CDC73: variants seen among roughly 807,000 people sequenced by gnomAD.
CDC73 encodes parafibromin.
In CDC73, 21 loss-of-function variants were observed where a neutral mutation model predicts 83.7. The observed-to-expected ratio is 0.25, with a 90% CI of 0.18 to 0.36. The LOEUF is 0.36. Among genes scored for constraint, CDC73 ranks in the 10% least tolerant of loss-of-function variants. The pLI, the probability that CDC73 is intolerant of heterozygous loss-of-function variation, is 1.00. For missense variants in CDC73, 342 were observed against 653.3 expected (o/e 0.52, Z 5.19); for synonymous variants, 224 against 212.9 (o/e 1.05, Z -0.45).
intron 8 of CDC73, among the ~76,000 whole-genome samples, chr1:193,148,417 T>C (rs1358876923): frequency 1.3e-5 from 2 of 152,160 alleles, no homozygotes; most frequent in East Asian, 3.8e-4. Context: ...TCAGCTGCTC[T>C]GAGAGTTGAC....
chr1:193,180,213 T>C (rs1245654630), intron 10 of CDC73: 4 of 1,249,786 alleles, frequency 3.2e-6, no homozygotes, highest in East Asian at 2.5e-5. Context: ...CTAAAACTTG[T>C]CCTACGGATG....
intron 14 of CDC73, among the ~76,000 whole-genome samples, chr1:193,234,175 T>TCACACACACA (rs71111461): frequency 1.3e-3 from 134 of 101,406 alleles, no homozygotes; most frequent in African/African-American, 5.1e-3. Context: ...TCTCTCTCTC[T>TCACACACACA]CACACACACA....
intron 1 of CDC73, among the ~76,000 whole-genome samples, chr1:193,124,202 C>T (rs1389081865): frequency 6.6e-6 from 1 of 152,210 alleles, no homozygotes; most frequent in Non-Finnish European, 1.5e-5. Context: ...TTTTTATTTT[C>T]TATATGTGCA....
chr1:193,147,619 TG>T (rs1676025108), intron 7 of CDC73, among the ~76,000 whole-genome samples: 1 of 152,114 alleles, frequency 6.6e-6, no homozygotes, highest in Admixed American at 6.6e-5. Context: ...CTGCCTGCCT[TG>T]GCCTCCCGAA....
chr1:193,126,952 A>G (rs931464742), intron 2 of CDC73, among the ~76,000 whole-genome samples: 3 of 152,030 alleles, frequency 2.0e-5, no homozygotes, highest in African/African-American at 7.2e-5. Flanking sequence ...GTATCTTTCA[A>G]ACAATAACTT....
intron 13 of CDC73, among the ~76,000 whole-genome samples, chr1:193,230,269 T>C (rs142983548): frequency 0.012 from 1,849 of 151,246 alleles, 19 homozygotes; most frequent in South Asian, 0.034. Context: ...CTGCCTCAGC[T>C]TCCAGAGTAG....
intron 11 of CDC73, among the ~76,000 whole-genome samples, chr1:193,205,225 T>C (rs1677168799): frequency 8.6e-6 from 1 of 116,628 alleles, no homozygotes; most frequent in Non-Finnish European, 1.7e-5. Context: ...TTTAAACTCA[T>C]CAGTGCTGTT....
At chr1:193,207,738 T>G (rs1448492862) in intron 11 of CDC73, among the ~76,000 whole-genome samples, 1 of 152,142 alleles carries the variant, frequency 6.6e-6, no homozygotes, top group Non-Finnish European at 1.5e-5. Flanking sequence ...GTGCACTGAT[T>G]TCATATTGTT....
intron 10 of CDC73, among the ~76,000 whole-genome samples, chr1:193,178,435 T>G (rs769931463): frequency 3.9e-5 from 6 of 152,188 alleles, no homozygotes; most frequent in Non-Finnish European, 7.4e-5. Flanking sequence ...CTTTTAAAGA[T>G]CCTGCAAAAT....
At chr1:193,180,447 C>G (rs896980217) in intron 10 of CDC73, 1 of 1,613,734 alleles carries the variant, frequency 6.2e-7, no homozygotes, top group Non-Finnish European at 8.5e-7. Context: ...ATTTACAGCT[C>G]GAATAAGAGA....
intron 10 of CDC73, chr1:193,180,498 A>G: frequency 6.2e-7 from 1 of 1,614,090 alleles, no homozygotes; most frequent in Non-Finnish European, 8.5e-7. Context: ...GAGGGGGTAC[A>G]GGATCAATTC....
intron 13 of CDC73, among the ~76,000 whole-genome samples, chr1:193,227,543 A>T (rs138528491): frequency 3.7e-4 from 57 of 152,286 alleles, no homozygotes; most frequent in African/African-American, 1.3e-3. Context: ...GACTTTGTAG[A>T]TTATCATAAT....
intron 10 of CDC73, among the ~76,000 whole-genome samples, chr1:193,201,861 G>T (rs946623075): frequency 5.3e-5 from 8 of 151,642 alleles, no homozygotes; most frequent in Admixed American, 5.2e-4. Flanking sequence ...GATCACTTTC[G>T]GTTTGTGTAG....
chr1:193,241,701 G>T (rs1677864679), intron 15 of CDC73, among the ~76,000 whole-genome samples: 1 of 152,154 alleles, frequency 6.6e-6, no homozygotes, highest in African/African-American at 2.4e-5. Flanking sequence ...CGTGTCTTCT[G>T]CCCCTGGGAA....
At chr1:193,236,137 A>C in intron 14 of CDC73, 119 bp from the exon 15 acceptor site, 1 of 777,580 alleles carries the variant, frequency 1.3e-6, no homozygotes, top group Non-Finnish European at 2.4e-6. Flanking sequence ...GATTGATAAG[A>C]CTCTTTCACA....
At position 193,238,250 on chromosome 1, in the gene CDC73, C is replaced by A. The variant is rs1677797272; in HGVS notation, c.1417+1894C>A. On this transcript the variant is annotated intron_variant, in intron 15 of 16. Coordinates refer to ENST00000367435, the MANE Select transcript of CDC73 (RefSeq NM_024529.5). Reference sequence around the variant, plus strand: ...TTCTCAGCGTTTAAGAATACTCTTTCCCCTTCCTTCTTAAACAACAAAACA... The same window carrying A: ...TTCTCAGCGTTTAAGAATACTCTTTACCCTTCCTTCTTAAACAACAAAACA... Among the ~76,000 whole-genome samples, 3 of 152,218 alleles carry A rather than the reference C, an allele frequency of 2.0e-5. No individual in the cohort carries two copies. The South Asian group carries it at 6.2e-4, about 32-fold the overall frequency.
intron 10 of CDC73, among the ~76,000 whole-genome samples, chr1:193,165,256 T>C (rs1282857662): frequency 2.0e-5 from 3 of 152,280 alleles, no homozygotes; most frequent in Non-Finnish European, 2.9e-5. Context: ...AACCTCACCC[T>C]CCCAATTAGT....
chr1:193,165,509 T>C (rs1461229903), intron 10 of CDC73, among the ~76,000 whole-genome samples: 1 of 152,204 alleles, frequency 6.6e-6, no homozygotes, highest in Non-Finnish European at 1.5e-5. Context: ...CATTAAAAAA[T>C]TCTGCTGTGA....
At chr1:193,181,884 A>G (rs901198071) in intron 10 of CDC73, among the ~76,000 whole-genome samples, 1 of 152,196 alleles carries the variant, frequency 6.6e-6, no homozygotes, top group African/African-American at 2.4e-5. Flanking sequence ...CACAGTGAGC[A>G]TTTTAAAGAG....
Sources: gnomAD v4.1 joint callset for allele counts (sites outside exome capture counted in the v4.1 genomes callset) on GRCh38, gnomAD v4.1.1 for gene constraint, MANE v1.5 for transcripts, NCBI Gene and HGNC (gene_info 2026-07-23, HGNC 2026-07-21) for gene names.